SUGCT: variants seen among roughly 807,000 people sequenced by gnomAD.
SUGCT encodes the protein succinyl-CoA:glutarate CoA-transferase.
In SUGCT, 41 loss-of-function variants were observed where a neutral mutation model predicts 55.0. The ratio of observed to expected loss-of-function variants is 0.74; its 90% CI spans 0.58 to 0.97. The LOEUF (loss-of-function observed/expected upper bound fraction) is 0.97, where lower values mean the gene tolerates loss of function less well. SUGCT is among the 50% of genes least tolerant of loss of function. The probability of loss-of-function intolerance (pLI) is 0.00; values close to 1 mark genes in which losing one functional copy is unlikely to be tolerated. For missense variants in SUGCT, 568 were observed against 547.8 expected (o/e 1.04, Z -0.37); for synonymous variants, 187 against 200.4 (o/e 0.93, Z 0.56).
intron 9 of SUGCT, among the ~76,000 whole-genome samples, chr7:40,367,597 A>G (rs1433625507): frequency 7.2e-5 from 11 of 152,178 alleles, no homozygotes; most frequent in African/African-American, 2.7e-4. Context: ...AAGGAAAACC[A>G]GCACCACTTG....
chr7:40,252,403 G>A (rs778366404), intron 7 of SUGCT, among the ~76,000 whole-genome samples: 11 of 152,062 alleles, frequency 7.2e-5, no homozygotes, highest in Non-Finnish European at 1.3e-4. Flanking sequence ...ACAGGCATGC[G>A]CCACTGTGCC....
intron 7 of SUGCT, among the ~76,000 whole-genome samples, chr7:40,247,598 C>G (rs6961025): frequency 0.44 from 65,989 of 151,520 alleles, 14,599 homozygotes; most frequent in African/African-American, 0.53. Context: ...TATGTAGTAG[C>G]AGCTGATTGT....
At chr7:40,462,539 G>A (rs895386416) in intron 11 of SUGCT, among the ~76,000 whole-genome samples, 1 of 152,156 alleles carries the variant, frequency 6.6e-6, no homozygotes, top group Non-Finnish European at 1.5e-5. Flanking sequence ...GCTCTACCTA[G>A]TAGAGAAGAG....
intron 12 of SUGCT, among the ~76,000 whole-genome samples, chr7:40,708,138 A>T (rs1336430749): frequency 6.6e-6 from 1 of 152,194 alleles, no homozygotes; most frequent in African/African-American, 2.4e-5. Context: ...ATTTAAAGTG[A>T]CAGGAAGCAG....
At chr7:40,964,113 T>C in the SUGCT span, among the ~76,000 whole-genome samples, 1 of 152,214 alleles carries the variant, frequency 6.6e-6, no homozygotes, top group Non-Finnish European at 1.5e-5. Context: ...AAATGTCCTA[T>C]CAATCCTTGC....
At chr7:40,627,534 GCAAA>G (rs1799578732) in intron 12 of SUGCT, among the ~76,000 whole-genome samples, 2 of 152,154 alleles carry the variant, frequency 1.3e-5, no homozygotes, top group South Asian at 4.1e-4. Flanking sequence ...GCACTTCTGT[GCAAA>G]CAAAGACTTG....
At chr7:40,660,637 T>C (rs1003416075) in intron 12 of SUGCT, among the ~76,000 whole-genome samples, 6 of 152,164 alleles carry the variant, frequency 3.9e-5, no homozygotes, top group African/African-American at 1.4e-4. Context: ...TCTGTCTTCC[T>C]CTCTGCTACT....
intron 6 of SUGCT, among the ~76,000 whole-genome samples, chr7:40,223,057 C>G (rs1788131034): frequency 6.6e-6 from 1 of 150,790 alleles, no homozygotes. Flanking sequence ...ATCCACCCAT[C>G]CTTCCATTTC....
At chr7:40,262,582 G>A (rs1791297287) in intron 7 of SUGCT, among the ~76,000 whole-genome samples, 1 of 151,592 alleles carries the variant, frequency 6.6e-6, no homozygotes, top group Non-Finnish European at 1.5e-5. Context: ...GAAGAATGGT[G>A]TGAACCCTGG....
At chr7:40,820,491 A>G (rs1461835894) in intron 13 of SUGCT, among the ~76,000 whole-genome samples, 1 of 152,080 alleles carries the variant, frequency 6.6e-6, no homozygotes, top group African/African-American at 2.4e-5. Flanking sequence ...ATCCCTTGTA[A>G]GTTGGATTCC....
At chr7:40,211,013 G>C (rs2150792841) in intron 6 of SUGCT, among the ~76,000 whole-genome samples, 1 of 152,284 alleles carries the variant, frequency 6.6e-6, no homozygotes, top group African/African-American at 2.4e-5. Context: ...CTAACAGTCT[G>C]TCACCCAGGC....
At chr7:40,646,636 T>G (rs1173418217) in intron 12 of SUGCT, among the ~76,000 whole-genome samples, 5 of 152,198 alleles carry the variant, frequency 3.3e-5, no homozygotes, top group Non-Finnish European at 7.3e-5. Context: ...TCTTTCCCAG[T>G]CTTTGCACGG....
At chr7:40,466,575 A>T (rs940819360) in intron 11 of SUGCT, among the ~76,000 whole-genome samples, 5 of 152,308 alleles carry the variant, frequency 3.3e-5, no homozygotes, top group African/African-American at 9.6e-5. Flanking sequence ...CAGAGAATAT[A>T]TCCTTTGGAT....
intron 9 of SUGCT, among the ~76,000 whole-genome samples, chr7:40,324,185 C>T (rs1276349085): frequency 6.7e-6 from 1 of 149,640 alleles, no homozygotes; most frequent in Non-Finnish European, 1.5e-5. Flanking sequence ...ATTTTATGTC[C>T]TCTATCACCT....
At chr7:40,318,834 T>C (rs7790050) in intron 9 of SUGCT, among the ~76,000 whole-genome samples, 151,551 of 152,368 alleles carry the variant, frequency 0.99, 75,371 homozygotes, top group South Asian at 1. Flanking sequence ...GTGTTCACTG[T>C]GTTCAAGCAT....
the SUGCT span, among the ~76,000 whole-genome samples, chr7:41,010,001 C>T: frequency 1.6e-3 from 248 of 152,248 alleles, 7 homozygotes; most frequent in South Asian, 0.05. Flanking sequence ...ACCAAGTGAG[C>T]CTACATGTGT....
At chr7:40,935,805 C>T in the SUGCT span, among the ~76,000 whole-genome samples, 1,189 of 152,236 alleles carry the variant, frequency 7.8e-3, 16 homozygotes, top group African/African-American at 0.024. Flanking sequence ...TATTTAACTT[C>T]GTGAGTAATA....
At chr7:40,847,242 A>G (rs1793602654) in intron 13 of SUGCT, among the ~76,000 whole-genome samples, 1 of 133,036 alleles carries the variant, frequency 7.5e-6, no homozygotes, top group East Asian at 5.0e-4. Flanking sequence ...AAAACAACAC[A>G]AATGTATTTC....
intron 1 of SUGCT, among the ~76,000 whole-genome samples, chr7:40,174,251 G>C (rs1220191754): frequency 6.6e-6 from 1 of 151,986 alleles, no homozygotes; most frequent in Non-Finnish European, 1.5e-5. Context: ...TTGAACTCCT[G>C]ACCTCAGGTG....
Sources: gnomAD v4.1 joint callset for allele counts (sites outside exome capture counted in the v4.1 genomes callset) on GRCh38, gnomAD v4.1.1 for gene constraint, MANE v1.5 for transcripts, NCBI Gene and HGNC (gene_info 2026-07-23, HGNC 2026-07-21) for gene names.